The following CA10 variants were observed in gnomAD, a reference collection of about 807,000 sequenced individuals.
The protein encoded by CA10 is carbonic anhydrase 10 (inactive).
A neutral mutation model predicts 44.2 loss-of-function variants in CA10; 14 were observed. The ratio of observed to expected loss-of-function variants is 0.32; its 90% CI spans 0.21 to 0.50. CA10 has a LOEUF of 0.50. CA10 is among the 20% of genes least tolerant of loss of function. The pLI is 0.99. For missense variants in CA10, 350 were observed against 409.7 expected (o/e 0.85, Z 1.26); for synonymous variants, 159 against 141.6 (o/e 1.12, Z -0.87).
chr17:51,868,995 T>C (rs1370567956), intron 3 of CA10, among the ~76,000 whole-genome samples: 4 of 152,054 alleles, frequency 2.6e-5, no homozygotes, highest in Non-Finnish European at 2.9e-5. Flanking sequence ...CTAATTACTT[T>C]TGATGAAAAC....
At chr17:52,063,139 C>G (rs1987435560) in intron 2 of CA10, among the ~76,000 whole-genome samples, 1 of 152,198 alleles carries the variant, frequency 6.6e-6, no homozygotes, top group South Asian at 2.1e-4. Flanking sequence ...TCCATGAAGA[C>G]TGCTTACCCC....
At chr17:51,884,348 A>G (rs1380077190) in intron 3 of CA10, among the ~76,000 whole-genome samples, 2 of 152,094 alleles carry the variant, frequency 1.3e-5, no homozygotes, top group South Asian at 2.1e-4. Flanking sequence ...AATCCTTGCA[A>G]TCCCTCTCAC....
intron 2 of CA10, among the ~76,000 whole-genome samples, chr17:51,992,356 A>G (rs1328175525): frequency 6.6e-6 from 1 of 151,606 alleles, no homozygotes; most frequent in Non-Finnish European, 1.5e-5. Flanking sequence ...TGACCTTATT[A>G]TTTTTCTCTG....
chr17:51,743,545 A>G (rs1206489932), intron 4 of CA10, among the ~76,000 whole-genome samples: 2 of 152,234 alleles, frequency 1.3e-5, no homozygotes, highest in Non-Finnish European at 2.9e-5. Flanking sequence ...GTTGCTGACT[A>G]TGTCATACAT....
intron 2 of CA10, among the ~76,000 whole-genome samples, chr17:51,973,826 G>A (rs1486657294): frequency 1.3e-5 from 2 of 152,038 alleles, no homozygotes; most frequent in Non-Finnish European, 2.9e-5. Flanking sequence ...ATGTACATCA[G>A]AAAATAAAAT....
chr17:51,961,265 T>C (rs1311289006), intron 2 of CA10, among the ~76,000 whole-genome samples: 1 of 151,530 alleles, frequency 6.6e-6, no homozygotes, highest in Non-Finnish European at 1.5e-5. Flanking sequence ...ACACCTCATA[T>C]TAAAATTTCT....
At chr17:51,683,855 A>C (rs1044065557) in intron 4 of CA10, among the ~76,000 whole-genome samples, 1 of 152,160 alleles carries the variant, frequency 6.6e-6, no homozygotes, top group Non-Finnish European at 1.5e-5. Context: ...CCACCACTCT[A>C]GGAAGGATAA....
At chr17:51,706,554 C>T (rs760503450) in intron 4 of CA10, among the ~76,000 whole-genome samples, 22 of 152,330 alleles carry the variant, frequency 1.4e-4, no homozygotes, top group Middle Eastern at 6.8e-3. Flanking sequence ...GCCTGCCTGC[C>T]GGGGCCTTTG....
chr17:51,948,497 A>G (rs1173041713), intron 2 of CA10, among the ~76,000 whole-genome samples: 1 of 152,170 alleles, frequency 6.6e-6, no homozygotes, highest in Non-Finnish European at 1.5e-5. Flanking sequence ...CAGTTCTGCA[A>G]GGGCCTCCTC....
At chr17:51,984,876 A>G (rs140564134) in intron 2 of CA10, among the ~76,000 whole-genome samples, 22 of 152,060 alleles carry the variant, frequency 1.4e-4, no homozygotes, top group Non-Finnish European at 2.9e-4. Context: ...TTTAAAAATT[A>G]CCAACAAAAA....
chr17:52,011,974 C>T (rs1009772733), intron 2 of CA10, among the ~76,000 whole-genome samples: 2 of 152,006 alleles, frequency 1.3e-5, no homozygotes, highest in African/African-American at 4.8e-5. Flanking sequence ...TGAAGCCAAA[C>T]AGCAGTGAAG....
intron 1 of CA10, among the ~76,000 whole-genome samples, chr17:52,122,430 A>G (rs1031929547): frequency 3.3e-5 from 5 of 152,200 alleles, no homozygotes; most frequent in African/African-American, 1.2e-4. Flanking sequence ...TATTTCATTC[A>G]TCATGGATTT....
At chr17:51,785,277 A>G (rs553490558) in intron 3 of CA10, among the ~76,000 whole-genome samples, 1 of 152,348 alleles carries the variant, frequency 6.6e-6, no homozygotes, top group East Asian at 1.9e-4. Context: ...TTTCGTGGTT[A>G]TTAATCCCTT....
At chr17:52,082,947 T>C (rs1252082853) in intron 1 of CA10, among the ~76,000 whole-genome samples, 1 of 152,176 alleles carries the variant, frequency 6.6e-6, no homozygotes, top group East Asian at 1.9e-4. Flanking sequence ...CTTTTTGTAG[T>C]AGAGTGTATT....
intron 3 of CA10, among the ~76,000 whole-genome samples, chr17:51,770,651 T>A (rs1905569701): frequency 1.3e-5 from 2 of 152,078 alleles, no homozygotes; most frequent in South Asian, 4.1e-4. Flanking sequence ...AAAAGAGGTT[T>A]AGTTGGCTCA....
chr17:52,104,475 A>T (rs1476112519), intron 1 of CA10, among the ~76,000 whole-genome samples: 2 of 152,114 alleles, frequency 1.3e-5, no homozygotes, highest in Non-Finnish European at 2.9e-5. Context: ...AAATGCTGGC[A>T]TTATAGGTTT....
intron 1 of CA10, among the ~76,000 whole-genome samples, chr17:52,141,131 T>A (rs2064436492): frequency 1.3e-5 from 2 of 152,266 alleles, no homozygotes; most frequent in Non-Finnish European, 2.9e-5. Context: ...CGAACTGCCA[T>A]CCCAGCACAA....
intron 3 of CA10, among the ~76,000 whole-genome samples, chr17:51,890,073 A>G (rs1000497480): frequency 3.9e-5 from 6 of 152,198 alleles, no homozygotes; most frequent in African/African-American, 1.4e-4. Context: ...AACACCGGAT[A>G]AATTTTAGGG....
intron 3 of CA10, among the ~76,000 whole-genome samples, chr17:51,849,266 A>ATATATATATAT (rs1555605624): frequency 1.8e-4 from 12 of 68,460 alleles, no homozygotes; most frequent in Admixed American, 3.3e-4. Context: ...TATATATATA[A>ATATATATATAT]AACTAAGTTT....
Sources: allele counts gnomAD v4.1 joint callset (sites outside exome capture counted in the v4.1 genomes callset), GRCh38; gene constraint gnomAD v4.1.1; transcripts MANE v1.5; gene names NCBI Gene and HGNC (gene_info 2026-07-23, HGNC 2026-07-21).